The following ARFGEF1 variants were observed in gnomAD, a reference collection of about 807,000 sequenced individuals.
ARFGEF1 encodes brefeldin A-inhibited guanine nucleotide-exchange protein 1.
Under a neutral mutation model 231.0 loss-of-function variants are expected in ARFGEF1, and 42 were observed. The observed-to-expected ratio is 0.18, with a 90% CI of 0.14 to 0.24. The LOEUF (loss-of-function observed/expected upper bound fraction) is 0.24. ARFGEF1 is among the 10% of genes least tolerant of loss of function. ARFGEF1 has a pLI of 1.00. For missense variants in ARFGEF1, 1,345 were observed against 2,192.0 expected (o/e 0.61, Z 7.72); for synonymous variants, 710 against 732.3 (o/e 0.97, Z 0.49).
At chr8:67,257,968 A>G (rs1840515085) in intron 16 of ARFGEF1, 117 bp downstream of exon 16, 2 of 1,186,992 alleles carry the variant, frequency 1.7e-6, no homozygotes, top group Admixed American at 2.4e-5. Context: ...CAGATTGTAG[A>G]CAATCTAAAT....
At position 67,343,351 on chromosome 8, in the gene ARFGEF1, G is replaced by A. The variant is rs1808749565; in HGVS notation, c.-64C>T. 6.3e-6 allele frequency: 10 copies of A among 1,591,186 alleles called. No individual in the cohort carries two copies. Among genetic ancestry groups the A allele is most frequent in the East Asian group, 2.3e-5 (1 of 44,030 alleles). Reference sequence around the variant, plus strand: ...GCTCCCAGCGGCTGGAGGGGAGGAGGAGGAGAGGAAGGAAGAGAAGAGAGA... The same window carrying A: ...GCTCCCAGCGGCTGGAGGGGAGGAGAAGGAGAGGAAGGAAGAGAAGAGAGA... On this transcript the variant is annotated 5_prime_UTR_variant, in exon 1 of 39. Coordinates refer to ENST00000262215, the MANE Select transcript of ARFGEF1 (RefSeq NM_006421.5).
intron 1 of ARFGEF1, among the ~76,000 whole-genome samples, chr8:67,311,100 G>T (rs112286865): frequency 1.4e-4 from 20 of 147,202 alleles, no homozygotes; most frequent in African/African-American, 5.0e-4. Context: ...CGCCCCGTCC[G>T]GGAGGGAGGT....
chr8:67,339,118 A>C (rs1202326034), intron 1 of ARFGEF1, among the ~76,000 whole-genome samples: 1 of 152,128 alleles, frequency 6.6e-6, no homozygotes, highest in Non-Finnish European at 1.5e-5. Flanking sequence ...CAGGTAATAG[A>C]CTCTTATATA....
intron 4 of ARFGEF1, among the ~76,000 whole-genome samples, chr8:67,296,894 C>A: frequency 6.6e-6 from 1 of 152,146 alleles, no homozygotes; most frequent in African/African-American, 2.4e-5. Context: ...TCATGCAAGC[C>A]TCCCACCTCA....
chr8:67,245,259 G>A (rs549087394), intron 19 of ARFGEF1, among the ~76,000 whole-genome samples: 3 of 150,566 alleles, frequency 2.0e-5, no homozygotes, highest in African/African-American at 7.4e-5. Context: ...ACATTAATGA[G>A]TAAGAAGAAA....
At position 67,288,046 on chromosome 8, in the gene ARFGEF1, C is replaced by T. The variant is rs372834760; in HGVS notation, c.936G>A (p.Val312=). The change falls in exon 7 of 39, where the codon GTG becomes GTA. Residue 312 remains valine (V), a synonymous_variant. Coordinates refer to ENST00000262215, the MANE Select transcript of ARFGEF1 (RefSeq NM_006421.5). ...AATCATGGTTTTCTCCGTCATATAA[C>T]ACTTCATTTTTAGATAATGCTTTAA... ...TAAETLSKNE[V]LYDGENHDCE... is the part of the protein sequence containing the mutation. 28 of 1,599,022 alleles carry T rather than the reference C, an allele frequency of 1.8e-5. No individual in the cohort carries two copies. The African/African-American group carries it at 3.1e-4, about 18-fold the overall frequency.
chr8:67,325,358 T>C (rs1191628074), intron 1 of ARFGEF1, among the ~76,000 whole-genome samples: 1 of 152,196 alleles, frequency 6.6e-6, no homozygotes, highest in African/African-American at 2.4e-5. Flanking sequence ...AAGGTTGTTT[T>C]TAATGCTTTC....
In ARFGEF1 at chr8:67,218,149, A is replaced by G. The variant is rs200499491; in HGVS notation, c.4339-11T>C. 470 of 1,423,348 alleles carry G rather than the reference A, an allele frequency of 3.3e-4. No homozygotes were observed. The African/African-American group carries it at 6.3e-3, about 19-fold the overall frequency. The allele number at this position is 1,423,348 out of a possible 1,614,324, so 88.2% of individuals were successfully genotyped here. ...CATCCATTCAGCTTTCTGGGGAAAAAAGTCATTAATGAACATCACGCCATT... is the reference window on the plus strand; with the variant it reads ...CATCCATTCAGCTTTCTGGGGAAAAGAGTCATTAATGAACATCACGCCATT... On this transcript the variant is annotated splice_polypyrimidine_tract_variant and intron_variant, in intron 30 of 38. Transcript: ENST00000262215.
chr8:67,235,504 G>T (rs182376305), intron 22 of ARFGEF1, among the ~76,000 whole-genome samples: 3 of 152,264 alleles, frequency 2.0e-5, no homozygotes, highest in African/African-American at 7.2e-5. Flanking sequence ...CAAAGCCATT[G>T]AATTTTTAAA....
intron 34 of ARFGEF1, among the ~76,000 whole-genome samples, chr8:67,209,767 T>C (rs542650799): frequency 9.9e-5 from 15 of 152,220 alleles, no homozygotes; most frequent in Middle Eastern, 6.8e-3. Flanking sequence ...GATCCCTGTA[T>C]GGAGACAGGG....
At chr8:67,205,797 A>AC (rs1401999220) in intron 34 of ARFGEF1, among the ~76,000 whole-genome samples, 14 of 152,206 alleles carry the variant, frequency 9.2e-5, no homozygotes, top group Non-Finnish European at 1.9e-4. Context: ...GGCAGAGGTT[A>AC]CAGTGAACCA....
downstream of ARFGEF1, among the ~76,000 whole-genome samples, chr8:67,192,820 A>G (rs961616766): frequency 2.6e-5 from 4 of 152,118 alleles, no homozygotes; most frequent in Admixed American, 2.6e-4. Context: ...ATTTATTTCT[A>G]TATTCTTCTT....
Position 67,216,609 on chromosome 8 carries a change from G to A in ARFGEF1, c.4667C>T (p.Pro1556Leu), listed in dbSNP as rs749301225. The change falls in exon 33 of 39, where the codon CCT becomes CTT. Residue 1556 changes from proline to leucine, a missense_variant. This residue lies in a region of ARFGEF1 where 89 missense variants were observed against 74.8 expected (regional missense o/e 1.19). Transcript: ENST00000262215. ...ACTTACCAATGGCTTTTCACTTACAGGAGATGGAGGTGGGGGGGCAGTTTC... is the reference window on the plus strand; with the variant it reads ...ACTTACCAATGGCTTTTCACTTACAAGAGATGGAGGTGGGGGGGCAGTTTC... ...SGETAPPPPS[P>L]VSEKPLDTIS... The A allele has an allele frequency of 6.2e-6, 10 of 1,604,552 alleles. No homozygotes were observed. Among genetic ancestry groups the A allele is most frequent in the African/African-American group, 2.7e-5 (2 of 73,932 alleles).
At chr8:67,182,654 G>T (rs1182875510) in intron 5 of ARFGEF1, among the ~76,000 whole-genome samples, 1 of 152,126 alleles carries the variant, frequency 6.6e-6, no homozygotes, top group African/African-American at 2.4e-5. Context: ...TTGTTACTTT[G>T]TTTTTTGAAT....
intron 10 of ARFGEF1, among the ~76,000 whole-genome samples, chr8:67,271,284 C>G (rs915606137): frequency 6.6e-6 from 1 of 151,868 alleles, no homozygotes; most frequent in African/African-American, 2.4e-5. Context: ...TAATGCCCCT[C>G]AATCACATCT....
intron 1 of ARFGEF1, among the ~76,000 whole-genome samples, chr8:67,327,000 T>A (rs1807863292): frequency 6.6e-6 from 1 of 152,170 alleles, no homozygotes. Flanking sequence ...CAAAGTACAA[T>A]CAACATCTAA....
intron 8 of ARFGEF1, among the ~76,000 whole-genome samples, chr8:67,276,966 C>T (rs1342657496): frequency 6.6e-6 from 1 of 151,920 alleles, no homozygotes; most frequent in East Asian, 1.9e-4. Context: ...TCAGCCCATA[C>T]CAGAATTATC....
intron 4 of ARFGEF1, 103 bp downstream of exon 4, chr8:67,299,106 G>C (rs1036991110): frequency 1.3e-5 from 15 of 1,124,694 alleles, no homozygotes; most frequent in South Asian, 3.6e-5. Flanking sequence ...TATTATAGCT[G>C]GAATGCACAT....
rs1806475420 is a variant in ARFGEF1 at position 67,301,231 on chromosome 8, C to T, written c.305G>A (p.Cys102Tyr). 6.2e-7 allele frequency: 1 copy of T among 1,603,732 alleles called. No individual in the cohort carries two copies. The highest frequency in any genetic ancestry group is 1.1e-5 in the South Asian group (1 of 88,902). The stretch of plus-strand genomic sequence containing the variant: ...GTGCCATTTTAGACATACCTGTAAG[C>T]AATCTAGAGATGTACTAACTATGCG... ...CPRIVSTSLDCLQKLIAYGHL... is the reference protein window; with the variant it reads ...CPRIVSTSLDYLQKLIAYGHL... Residue 102 changes from cysteine to tyrosine, a missense_variant, in exon 3 of 39, where the codon TGC becomes TAC. By Grantham distance (194) the Cys-to-Tyr change is radical. Transcript: ENST00000262215.
Sources: gnomAD v4.1 joint callset for allele counts (sites outside exome capture counted in the v4.1 genomes callset) on GRCh38, gnomAD v4.1.1 for gene constraint, gnomAD v4.1.1 regional missense constraint, MANE v1.5 for transcripts, NCBI Gene and HGNC (gene_info 2026-07-23, HGNC 2026-07-21) for gene names.